The following TLCD4 variants were observed in gnomAD, a reference collection of about 807,000 sequenced individuals.
The protein encoded by TLCD4 is TLC domain containing 4, also known as TLC domain-containing protein 4.
Under a neutral mutation model 24.2 loss-of-function variants are expected in TLCD4, and 7 were observed. The ratio of observed to expected loss-of-function variants is 0.29; its 90% CI spans 0.16 to 0.54. The LOEUF (loss-of-function observed/expected upper bound fraction) is 0.54, where lower values mean the gene tolerates loss of function less well. Among genes scored for constraint, TLCD4 ranks in the 20% least tolerant of loss-of-function variants. The pLI is 0.95. For missense variants in TLCD4, 259 were observed against 313.9 expected, an observed-to-expected ratio of 0.82 and a Z score of 1.32; for synonymous variants, 103 against 106.4, an observed-to-expected ratio of 0.97 and a Z score of 0.20.
chr1:95,123,465 A>T (rs2100903492), intron 1 of TLCD4, among the ~76,000 whole-genome samples: 1 of 152,378 alleles, frequency 6.6e-6, no homozygotes, highest in South Asian at 2.1e-4. Flanking sequence ...AACACTTTAT[A>T]GTCACAGGCC....
At chr1:95,163,453 T>G (rs1031514855) in intron 5 of TLCD4, 3 of 152,214 alleles carry the variant, frequency 2.0e-5, no homozygotes, top group Admixed American at 2.0e-4. Context: ...ACATCCTCCT[T>G]TAGCTCGGAG....
intron 5 of TLCD4, among the ~76,000 whole-genome samples, chr1:95,168,899 A>G (rs1276913942): frequency 6.6e-6 from 1 of 152,232 alleles, no homozygotes; most frequent in African/African-American, 2.4e-5. Context: ...CTCACAGATA[A>G]GCAGAGAGAT....
intron 6 of TLCD4, among the ~76,000 whole-genome samples, chr1:95,189,851 C>T (rs1218983992): frequency 6.6e-6 from 1 of 152,192 alleles, no homozygotes; most frequent in Non-Finnish European, 1.5e-5. Context: ...TGTGGACATA[C>T]ATTTTTTAAT....
chr1:95,097,370 C>A, the TLCD4 span, among the ~76,000 whole-genome samples: 3 of 152,180 alleles, frequency 2.0e-5, no homozygotes, highest in Admixed American at 6.5e-5. Flanking sequence ...TCTAGGCACA[C>A]CATCTATATA....
intron 1 of TLCD4, among the ~76,000 whole-genome samples, chr1:95,122,367 CAAACA>C (rs770326058): frequency 1.2e-4 from 19 of 152,194 alleles, no homozygotes; most frequent in Non-Finnish European, 2.2e-4. Context: ...TAAAACAAAA[CAAACA>C]AAACAAAACA....
intron 2 of TLCD4, among the ~76,000 whole-genome samples, chr1:95,146,656 A>G (rs1339039821): frequency 2.0e-5 from 3 of 152,150 alleles, no homozygotes; most frequent in Non-Finnish European, 2.9e-5. Flanking sequence ...AATAAAATAT[A>G]AAATTTTTAT....
At chr1:95,171,314 A>G (rs1225563209) in intron 5 of TLCD4, among the ~76,000 whole-genome samples, 2 of 152,102 alleles carry the variant, frequency 1.3e-5, no homozygotes, top group Admixed American at 1.3e-4. Flanking sequence ...TAGTCGTACC[A>G]TTTTACCACT....
chr1:95,103,394 C>T, the TLCD4 span, among the ~76,000 whole-genome samples: 2 of 152,298 alleles, frequency 1.3e-5, no homozygotes, highest in African/African-American at 2.4e-5. Flanking sequence ...CGTAGAAGTT[C>T]TACTCAACTT....
chr1:95,168,921 A>G (rs893604442), intron 5 of TLCD4, among the ~76,000 whole-genome samples: 4 of 152,224 alleles, frequency 2.6e-5, no homozygotes, highest in African/African-American at 4.8e-5. Flanking sequence ...TGCGGAGCCA[A>G]TTGACTGGGG....
chr1:95,145,745 G>C (rs1677326187), intron 2 of TLCD4, among the ~76,000 whole-genome samples: 1 of 152,158 alleles, frequency 6.6e-6, no homozygotes. Flanking sequence ...AGAGAAATAG[G>C]AAAGGGTACA....
At chr1:95,176,068 G>A (rs906600267) in intron 6 of TLCD4, among the ~76,000 whole-genome samples, 2 of 152,046 alleles carry the variant, frequency 1.3e-5, no homozygotes, top group African/African-American at 4.8e-5. Flanking sequence ...GAGCCACCGT[G>A]CCTGGCTGGT....
At chr1:95,161,062 A>G (rs1233268023) in intron 5 of TLCD4, among the ~76,000 whole-genome samples, 1 of 152,234 alleles carries the variant, frequency 6.6e-6, no homozygotes, top group East Asian at 1.9e-4. Flanking sequence ...TGATTGGAAT[A>G]GTTTCAGAAG....
At chr1:95,118,093 T>TA (rs1481693279) in intron 1 of TLCD4, 1 of 152,304 alleles carries the variant, frequency 6.6e-6, no homozygotes. Context: ...ATCAAGTGGG[T>TA]AAGTCCCCCT....
At chr1:95,142,672 C>T (rs1482914249) in intron 1 of TLCD4, among the ~76,000 whole-genome samples, 1 of 152,100 alleles carries the variant, frequency 6.6e-6, no homozygotes, top group East Asian at 1.9e-4. Flanking sequence ...ACAATCTAGG[C>T]CGGTTGTGGT....
At chr1:95,122,902 A>C (rs891368552) in intron 1 of TLCD4, among the ~76,000 whole-genome samples, 1 of 152,176 alleles carries the variant, frequency 6.6e-6, no homozygotes, top group East Asian at 1.9e-4. Flanking sequence ...GGAAGAAGGA[A>C]TTTTCATTTG....
intron 5 of TLCD4, among the ~76,000 whole-genome samples, chr1:95,159,517 G>C (rs12141107): frequency 5.9e-5 from 9 of 151,902 alleles, no homozygotes; most frequent in South Asian, 2.1e-4. Flanking sequence ...TAATTAGATC[G>C]CATTTGTCAC....
intron 3 of TLCD4, 40 bp downstream of exon 3, chr1:95,148,831 TG>T (rs1363076090): frequency 6.2e-7 from 1 of 1,601,368 alleles, no homozygotes; most frequent in South Asian, 1.1e-5. Context: ...ATTTCATTTA[TG>T]TTTTGATATT....
At position 95,196,184 on chromosome 1, in the gene TLCD4, C is replaced by T. The variant is rs1011454324; in HGVS notation, c.*4316C>T. 14 of 152,296 alleles carry T rather than the reference C, an allele frequency of 9.2e-5. No homozygotes were observed. The highest frequency in any genetic ancestry group is 3.4e-4 in the African/African-American group (14 of 41,572). 9.4% of individuals were successfully genotyped at this position (152,296 alleles called of 1,614,324 possible). A position where few individuals can be genotyped will look rare whatever the true frequency, so the allele number is the denominator to read the frequency against. On this transcript the variant is annotated 3_prime_UTR_variant, in exon 7 of 7. Coordinates refer to ENST00000370203, the MANE Select transcript of TLCD4 (RefSeq NM_152487.3). Reference sequence around the variant, plus strand: ...ATCTGTCATCTCTGTTTTTCTTAAACTGGTTTAACAGTCAGAGCTTTGTAA... The same window carrying T: ...ATCTGTCATCTCTGTTTTTCTTAAATTGGTTTAACAGTCAGAGCTTTGTAA...
At chr1:95,154,482 C>A (rs1161407022) in intron 5 of TLCD4, among the ~76,000 whole-genome samples, 2 of 152,162 alleles carry the variant, frequency 1.3e-5, no homozygotes, top group Non-Finnish European at 2.9e-5. Context: ...CTATAAGGCA[C>A]AGCTCATTGG....
Sources: allele counts gnomAD v4.1 joint callset (sites outside exome capture counted in the v4.1 genomes callset), GRCh38; gene constraint gnomAD v4.1.1; transcripts MANE v1.5; gene names NCBI Gene and HGNC (gene_info 2026-07-23, HGNC 2026-07-21).